RIMS2: variants seen among roughly 807,000 people sequenced by gnomAD.
The protein encoded by RIMS2 is regulating synaptic membrane exocytosis 2, also known as regulating synaptic membrane exocytosis protein 2.
In RIMS2, 59 loss-of-function variants were observed where a neutral mutation model predicts 174.4. The ratio of observed to expected loss-of-function variants is 0.34; its 90% CI spans 0.27 to 0.42. RIMS2 has a LOEUF of 0.42. RIMS2 is among the 10% of genes least tolerant of loss of function. The probability of loss-of-function intolerance (pLI) is 1.00; values close to 1 mark genes in which losing one functional copy is unlikely to be tolerated. For missense variants in RIMS2, 1,620 were observed against 1,666.3 expected, an observed-to-expected ratio of 0.97 and a Z score of 0.48; for synonymous variants, 606 against 572.5, an observed-to-expected ratio of 1.06 and a Z score of -0.84.
intron 14 of RIMS2, among the ~76,000 whole-genome samples, chr8:103,954,062 A>G (rs1234933191): frequency 1.3e-5 from 2 of 152,214 alleles, no homozygotes; most frequent in African/African-American, 4.8e-5. Context: ...AACTATTCTA[A>G]CAATATATGC....
At chr8:104,144,627 T>C (rs979922685) in intron 19 of RIMS2, among the ~76,000 whole-genome samples, 1 of 152,188 alleles carries the variant, frequency 6.6e-6, no homozygotes, top group African/African-American at 2.4e-5. Context: ...TTAAAATGAC[T>C]TTTAGCAGAC....
At chr8:103,960,328 TTTG>T (rs1258006623) in intron 14 of RIMS2, among the ~76,000 whole-genome samples, 2 of 152,230 alleles carry the variant, frequency 1.3e-5, no homozygotes, top group South Asian at 2.1e-4. Context: ...TTGCTATAGA[TTTG>T]TTATGTGAGG....
chr8:103,948,563 A>G (rs1478305739), intron 14 of RIMS2, among the ~76,000 whole-genome samples: 1 of 152,210 alleles, frequency 6.6e-6, no homozygotes, highest in Non-Finnish European at 1.5e-5. Flanking sequence ...TGCTGAATGA[A>G]AGATGATACA....
intron 10 of RIMS2, among the ~76,000 whole-genome samples, chr8:103,923,739 C>T (rs766577310): frequency 6.6e-5 from 10 of 151,610 alleles, no homozygotes; most frequent in Non-Finnish European, 1.3e-4. Flanking sequence ...TATACCCATA[C>T]CCCACCCACA....
At chr8:103,720,589 C>T (rs902151022) in intron 2 of RIMS2, among the ~76,000 whole-genome samples, 2 of 152,160 alleles carry the variant, frequency 1.3e-5, no homozygotes, top group African/African-American at 4.8e-5. Context: ...TTATATATTA[C>T]TACTACCATT....
chr8:104,050,263 A>G (rs2096763795), intron 19 of RIMS2, among the ~76,000 whole-genome samples: 1 of 152,168 alleles, frequency 6.6e-6, no homozygotes, highest in Admixed American at 6.5e-5. Flanking sequence ...ATCAGGCCTT[A>G]TTCTAGGTGC....
chr8:103,790,249 G>C (rs1466501474), intron 3 of RIMS2, among the ~76,000 whole-genome samples: 2 of 152,172 alleles, frequency 1.3e-5, no homozygotes, highest in Non-Finnish European at 2.9e-5. Context: ...CCCATTAGCA[G>C]TCACTTGTCA....
chr8:103,508,152 T>G (rs928380012), intron 1 of RIMS2, among the ~76,000 whole-genome samples: 14 of 152,124 alleles, frequency 9.2e-5, no homozygotes, highest in African/African-American at 3.1e-4. Context: ...TCTAGTCACC[T>G]AATGAAATAC....
intron 19 of RIMS2, among the ~76,000 whole-genome samples, chr8:104,225,285 A>G (rs1005858659): frequency 1.3e-5 from 2 of 152,200 alleles, no homozygotes; most frequent in African/African-American, 4.8e-5. Context: ...GGTAGGTAAT[A>G]GAGCCAGCGT....
intron 19 of RIMS2, among the ~76,000 whole-genome samples, chr8:104,161,221 T>G (rs575157148): frequency 9.2e-5 from 14 of 152,282 alleles, no homozygotes; most frequent in Middle Eastern, 3.4e-3. Flanking sequence ...TGGAAATGAT[T>G]CCTTCCAGCA....
rs1407462378 is a variant in RIMS2, at chr8:103,738,971, C to T, written c.388-27256C>T. Among the ~76,000 whole-genome samples, 14 of 152,034 alleles carry T rather than the reference C, an allele frequency of 9.2e-5. No individual in the cohort carries two copies. The South Asian group carries it at 1.0e-3, about 11-fold the overall frequency. On this transcript the variant is annotated intron_variant, in intron 2 of 23. Coordinates refer to ENST00000504942, the Ensembl canonical transcript of RIMS2. Reference sequence around the variant, plus strand: ...TCAACCATTGTGGAAGACAGTGTGGCGATTCCTCAAGGATCTAGAACTAGA... The same window carrying T: ...TCAACCATTGTGGAAGACAGTGTGGTGATTCCTCAAGGATCTAGAACTAGA...
intron 1 of RIMS2, among the ~76,000 whole-genome samples, chr8:103,629,979 AG>A (rs2095872900): frequency 6.6e-6 from 1 of 151,994 alleles, no homozygotes; most frequent in Non-Finnish European, 1.5e-5. Flanking sequence ...AAAAAAGAAC[AG>A]TACAAAACTA....
intron 2 of RIMS2, among the ~76,000 whole-genome samples, chr8:103,756,386 T>TG (rs1282054628): frequency 2.0e-4 from 26 of 128,976 alleles, no homozygotes; most frequent in African/African-American, 6.8e-4. Context: ...TTGTTGTTGT[T>TG]TTTGTTTTTT....
At chr8:104,233,799 C>T (rs2099244076) in intron 19 of RIMS2, among the ~76,000 whole-genome samples, 1 of 152,194 alleles carries the variant, frequency 6.6e-6, no homozygotes, top group Non-Finnish European at 1.5e-5. Context: ...AAGTGTGAGT[C>T]TCTTCAGCCA....
At chr8:104,228,323 C>A (rs541875765) in intron 19 of RIMS2, among the ~76,000 whole-genome samples, 1 of 152,024 alleles carries the variant, frequency 6.6e-6, no homozygotes, top group Non-Finnish European at 1.5e-5. Flanking sequence ...CCACCGTGCC[C>A]GGCCTAGCTT....
intron 1 of RIMS2, among the ~76,000 whole-genome samples, chr8:103,512,316 A>G (rs1826882592): frequency 6.6e-6 from 1 of 152,212 alleles, no homozygotes; most frequent in Admixed American, 6.5e-5. Flanking sequence ...CAGGTCAAAG[A>G]AGGGTGGATT....
chr8:103,784,714 C>G lies in RIMS2; in HGVS notation c.698+18177C>G, dbSNP rs1333558119. On this transcript the variant is annotated intron_variant, in intron 3 of 23. Coordinates refer to ENST00000504942, the Ensembl canonical transcript of RIMS2. Reference sequence around the variant, plus strand: ...AAGTCAGGTAGTGTGATGCCTCCAGCTTTGTTCTTTTGGCTTAGGATTGAC... The same window carrying G: ...AAGTCAGGTAGTGTGATGCCTCCAGGTTTGTTCTTTTGGCTTAGGATTGAC... 4.9e-3 allele frequency among the ~76,000 whole-genome samples: 268 copies of G among 55,042 alleles called. 4 individuals carry two copies. The highest frequency in any genetic ancestry group is 0.019 in the African/African-American group (254 of 13,234). The allele number at this position is 55,042 out of a possible 152,430, so 36.1% of individuals were successfully genotyped here. A position where few individuals can be genotyped will look rare whatever the true frequency, so the allele number is the denominator to read the frequency against.
At chr8:103,596,799 T>C (rs2094495283) in intron 1 of RIMS2, among the ~76,000 whole-genome samples, 1 of 151,960 alleles carries the variant, frequency 6.6e-6, no homozygotes, top group South Asian at 2.1e-4. Context: ...GAAAAAAGAA[T>C]AAAAACCTAT....
chr8:103,956,108 C>T (rs1222687504), intron 14 of RIMS2, among the ~76,000 whole-genome samples: 1 of 152,148 alleles, frequency 6.6e-6, no homozygotes, highest in African/African-American at 2.4e-5. Context: ...AGAGAGGACA[C>T]AAACAAATGG....
Sources: gnomAD v4.1 joint callset for allele counts (sites outside exome capture counted in the v4.1 genomes callset) on GRCh38, gnomAD v4.1.1 for gene constraint, MANE v1.5 for transcripts, NCBI Gene and HGNC (gene_info 2026-07-23, HGNC 2026-07-21) for gene names.